NEMP2: variants seen among roughly 807,000 people sequenced by gnomAD.
NEMP2 encodes the protein nuclear envelope integral membrane protein 2, also known as UPF0571 transmembrane protein.
A neutral mutation model predicts 54.2 loss-of-function variants in NEMP2; 53 were observed. That is an observed-to-expected ratio of 0.98 (90% CI 0.78 to 1.23). The LOEUF (loss-of-function observed/expected upper bound fraction) is 1.23. NEMP2 is among the 50% of genes most tolerant of loss of function. The pLI, the probability that NEMP2 is intolerant of heterozygous loss-of-function variation, is 0.00. For synonymous variants in NEMP2, 197 were observed against 190.3 expected (o/e 1.04, Z -0.29); for missense variants, 455 against 511.3 (o/e 0.89, Z 1.06).
At chr2:190,496,086 T>C in the NEMP2 span, among the ~76,000 whole-genome samples, 28 of 151,948 alleles carry the variant, frequency 1.8e-4, no homozygotes, top group African/African-American at 6.5e-4. This position sits in a 1 kb window ranked among gnomAD's most constrained non-coding sequence, Gnocchi z 4.7. Context: ...CTTCAGTCTA[T>C]ATATCCGACA....
rs141477230 is a variant in NEMP2, at chr2:190,524,276, A to G, written c.213+987T>C. Among the ~76,000 whole-genome samples the G allele has an allele frequency of 2.6e-5, 4 of 152,286 alleles. No homozygotes were observed. The East Asian group carries it at 7.7e-4, about 29-fold the overall frequency. On this transcript the variant is annotated intron_variant, in intron 2 of 8. Coordinates refer to ENST00000409150, the MANE Select transcript of NEMP2 (RefSeq NM_001142645.2). ...TTGATAAATATCATCATGATTATTG[A>G]TTCAGTAAAGCATCATCAATGAATG...
At chr2:190,599,841 A>T in the NEMP2 span, among the ~76,000 whole-genome samples, 48 of 152,020 alleles carry the variant, frequency 3.2e-4, no homozygotes, top group Non-Finnish European at 5.9e-4. Flanking sequence ...TCACAAACTC[A>T]CCGACCTTGC....
the NEMP2 span, among the ~76,000 whole-genome samples, chr2:190,607,288 G>A: frequency 6.6e-6 from 1 of 152,178 alleles, no homozygotes; most frequent in African/African-American, 2.4e-5. This position sits in a 1 kb window ranked among gnomAD's most constrained non-coding sequence, Gnocchi z 5.2. Context: ...AGGATAAGCA[G>A]GTGGCCAAAT....
the NEMP2 span, among the ~76,000 whole-genome samples, chr2:190,486,129 A>T: frequency 6.6e-6 from 1 of 152,266 alleles, no homozygotes; most frequent in Non-Finnish European, 1.5e-5. Flanking sequence ...AGATGAGACC[A>T]GAGCAGTGTT....
At chr2:190,617,319 G>A in the NEMP2 span, among the ~76,000 whole-genome samples, 4 of 142,308 alleles carry the variant, frequency 2.8e-5, no homozygotes, top group East Asian at 7.8e-4. The surrounding 1 kb of genome is among the most constrained non-coding windows in gnomAD (Gnocchi z 5.0). Flanking sequence ...TTTGAAGGCT[G>A]AGTGATTTTT....
the NEMP2 span, among the ~76,000 whole-genome samples, chr2:190,592,177 A>C: frequency 6.6e-6 from 1 of 152,144 alleles, no homozygotes; most frequent in African/African-American, 2.4e-5. The surrounding 1 kb of genome is among the most constrained non-coding windows in gnomAD (Gnocchi z 4.4). Context: ...CTTGAATTTC[A>C]GCTCTGCCAT....
chr2:190,476,008 T>C, the NEMP2 span, among the ~76,000 whole-genome samples: 2 of 152,122 alleles, frequency 1.3e-5, no homozygotes, highest in Non-Finnish European at 2.9e-5. Context: ...TGGCTAGCCA[T>C]ATATAGAAAG....
chr2:190,452,393 G>A, the NEMP2 span, among the ~76,000 whole-genome samples: 2 of 152,094 alleles, frequency 1.3e-5, no homozygotes, highest in Non-Finnish European at 2.9e-5. Context: ...AGTTACAAAA[G>A]CATCGTGCTA....
chr2:190,529,087 A>G lies in NEMP2; in HGVS notation c.98-3709T>C, dbSNP rs1160368389. ...CCCGGGTACAATGGCTCATGCCTGTAATTTCGCTTGAACCTGGGAGGCGAG... is the reference window on the plus strand; with the variant it reads ...CCCGGGTACAATGGCTCATGCCTGTGATTTCGCTTGAACCTGGGAGGCGAG... On this transcript the variant is annotated intron_variant, in intron 1 of 8. Transcript: ENST00000409150. This position sits in a 1 kb window ranked among gnomAD's most constrained non-coding sequence, Gnocchi z 4.7. Among the ~76,000 whole-genome samples, 1 of 152,158 alleles carries G rather than the reference A, an allele frequency of 6.6e-6. No individual in the cohort carries two copies. The highest frequency in any genetic ancestry group is 2.4e-5 in the African/African-American group (1 of 41,428).
At chr2:190,436,475 T>C in the NEMP2 span, 4 of 1,614,226 alleles carry the variant, frequency 2.5e-6, no homozygotes, top group Non-Finnish European at 3.4e-6. This position sits in a 1 kb window ranked among gnomAD's most constrained non-coding sequence, Gnocchi z 5.3. Context: ...AACCTGGGCA[T>C]TGGATTTGTC....
chr2:190,629,079 T>A, the NEMP2 span, among the ~76,000 whole-genome samples: 12 of 152,280 alleles, frequency 7.9e-5, no homozygotes, highest in Admixed American at 2.0e-4. Flanking sequence ...AGAGCGTCAG[T>A]CCTAGCTGCG....
the NEMP2 span, among the ~76,000 whole-genome samples, chr2:190,440,087 A>G: frequency 1.3e-5 from 2 of 152,280 alleles, no homozygotes; most frequent in South Asian, 2.1e-4. Flanking sequence ...GCATGCATGT[A>G]TATTATTTCA....
At chr2:190,573,298 C>T in the NEMP2 span, among the ~76,000 whole-genome samples, 1 of 152,182 alleles carries the variant, frequency 6.6e-6, no homozygotes, top group Non-Finnish European at 1.5e-5. Flanking sequence ...TTGACAAATA[C>T]TCTGTTTTCC....
At chr2:190,550,178 G>T in the NEMP2 span, among the ~76,000 whole-genome samples, 1 of 152,128 alleles carries the variant, frequency 6.6e-6, no homozygotes, top group Admixed American at 6.6e-5. This position sits in a 1 kb window ranked among gnomAD's most constrained non-coding sequence, Gnocchi z 4.7. Flanking sequence ...CTATAAACTG[G>T]ATAGCTTACA....
At chr2:190,472,416 C>A in the NEMP2 span, among the ~76,000 whole-genome samples, 1 of 152,090 alleles carries the variant, frequency 6.6e-6, no homozygotes, top group Non-Finnish European at 1.5e-5. Flanking sequence ...CTGAAAACCA[C>A]GGCACGAGAA....
the NEMP2 span, among the ~76,000 whole-genome samples, chr2:190,470,615 C>T: frequency 6.6e-6 from 1 of 152,184 alleles, no homozygotes; most frequent in Non-Finnish European, 1.5e-5. Context: ...ATTAATTGCA[C>T]TAAACAGTCT....
At chr2:190,612,931 T>C in the NEMP2 span, among the ~76,000 whole-genome samples, 1 of 145,952 alleles carries the variant, frequency 6.9e-6, no homozygotes, top group African/African-American at 2.4e-5. Flanking sequence ...AATTGGAAAA[T>C]ACCTAAATAA....
the NEMP2 span, among the ~76,000 whole-genome samples, chr2:190,551,493 T>C: frequency 3.0e-4 from 46 of 152,242 alleles, no homozygotes; most frequent in South Asian, 9.1e-3. Flanking sequence ...TTTATTTTAT[T>C]TCTAATTGTC....
the NEMP2 span, among the ~76,000 whole-genome samples, chr2:190,582,211 C>T: frequency 6.6e-6 from 1 of 152,200 alleles, no homozygotes; most frequent in Non-Finnish European, 1.5e-5. The surrounding 1 kb of genome is among the most constrained non-coding windows in gnomAD (Gnocchi z 4.6). Flanking sequence ...CTGATAGAGG[C>T]TCCATTATCT....
Sources: allele counts gnomAD v4.1 joint callset (sites outside exome capture counted in the v4.1 genomes callset), GRCh38; gene constraint gnomAD v4.1.1; non-coding constraint Gnocchi (gnomAD v3.1); transcripts MANE v1.5; gene names NCBI Gene and HGNC (gene_info 2026-07-23, HGNC 2026-07-21).